The following NLRP14 variants were observed in gnomAD, a reference collection of about 807,000 sequenced individuals.
The protein encoded by NLRP14 is NACHT, LRR and PYD domains-containing protein 14.
Under a neutral mutation model 94.7 loss-of-function variants are expected in NLRP14, and 105 were observed. That is an observed-to-expected ratio of 1.11 (90% CI 0.95 to 1.30). The LOEUF (loss-of-function observed/expected upper bound fraction) is 1.30, where lower values mean the gene tolerates loss of function less well. Ranked by LOEUF, NLRP14 falls within the 50% of genes most tolerant of loss-of-function variation. The probability of loss-of-function intolerance (pLI) is 0.00; values close to 1 mark genes in which losing one functional copy is unlikely to be tolerated. For synonymous variants in NLRP14, 508 were observed against 459.9 expected (o/e 1.10, Z -1.34); for missense variants, 1,362 against 1,254.1 (o/e 1.09, Z -1.30).
chr11:7,060,428 T>A (rs1852599120), intron 9 of NLRP14, among the ~76,000 whole-genome samples: 3 of 151,816 alleles, frequency 2.0e-5, no homozygotes. Flanking sequence ...TAAACTCAGG[T>A]TTATAATTAG....
intron 1 of NLRP14, among the ~76,000 whole-genome samples, chr11:7,022,817 G>C (rs1851965352): frequency 6.6e-6 from 1 of 152,148 alleles, no homozygotes; most frequent in Non-Finnish European, 1.5e-5. Context: ...TCAACTTTGA[G>C]TCAGCTCCAT....
the NLRP14 span, chr11:7,089,092 G>T: frequency 6.2e-7 from 1 of 1,604,822 alleles, no homozygotes; most frequent in Non-Finnish European, 8.5e-7. Flanking sequence ...GCCTCCCACC[G>T]CCACTGACCG....
At chr11:7,049,627 G>T in intron 5 of NLRP14, 44 bp from the exon 6 acceptor site, 1 of 1,359,090 alleles carries the variant, frequency 7.4e-7, no homozygotes, top group South Asian at 1.2e-5. Flanking sequence ...TAACCAAGGA[G>T]AGAAATGGTT....
At chr11:7,081,003 A>G in the NLRP14 span, among the ~76,000 whole-genome samples, 1 of 151,684 alleles carries the variant, frequency 6.6e-6, no homozygotes, top group Non-Finnish European at 1.5e-5. Flanking sequence ...TTGTCTTGGG[A>G]CAGAAATCTT....
At chr11:7,057,370 T>C (rs1852530625) in intron 6 of NLRP14, among the ~76,000 whole-genome samples, 1 of 152,002 alleles carries the variant, frequency 6.6e-6, no homozygotes, top group African/African-American at 2.4e-5. Context: ...TTCCAAGTTG[T>C]AGTTAGCGGA....
chr11:7,042,874 A>T lies in NLRP14; in HGVS notation c.848A>T (p.His283Leu). 6.2e-7 allele frequency: 1 copy of T among 1,614,120 alleles called. No homozygotes were observed. The highest frequency in any genetic ancestry group is 8.5e-7 in the Non-Finnish European group (1 of 1,180,022). The change falls in exon 4 of 12, where the codon CAC becomes CTC. Residue 283 changes from histidine (H) to leucine (L), a missense_variant. Transcript: ENST00000299481. ...CTGTGCGAAGACTGGACCCAAGAAC[A>T]CCCAGTGTCCTTCCTCATGAGTAGT... is the stretch of plus-strand genomic sequence containing the variant. ...FALCEDWTQE[H>L]PVSFLMSSLL...
chr11:7,079,222 C>CT, the NLRP14 span, among the ~76,000 whole-genome samples: 1 of 152,166 alleles, frequency 6.6e-6, no homozygotes, highest in African/African-American at 2.4e-5. Flanking sequence ...TCTCCGCCCC[C>CT]TAAATTCCCA....
At chr11:7,090,245 C>CGGAGGCCGTCTA in the NLRP14 span, 4 of 1,609,744 alleles carry the variant, frequency 2.5e-6, no homozygotes, top group East Asian at 8.9e-5. Flanking sequence ...TGCCCAGGGG[C>CGGAGGCCGTCTA]GGAGGCCGTC....
chr11:7,059,823 C>A, intron 8 of NLRP14, 71 bp from the exon 9 acceptor site: 1 of 1,316,304 alleles, frequency 7.6e-7, no homozygotes, highest in Non-Finnish European at 1.1e-6. Context: ...ATCATGAAAT[C>A]TCTTCAGAGA....
Position 7,071,413 on chromosome 11 carries a change from A to G in NLRP14, c.*105A>G. ...AGCTTCAGATACTCTATGCCCAGAG[A>G]TAGTGCACTTGGCAGCTGTCAGATA... On this transcript the variant is annotated 3_prime_UTR_variant, in exon 12 of 12. Coordinates refer to ENST00000299481, the MANE Select transcript of NLRP14 (RefSeq NM_176822.4). 3 of 883,808 alleles carry G rather than the reference A, an allele frequency of 3.4e-6. No homozygotes were observed. Among genetic ancestry groups the G allele is most frequent in the Non-Finnish European group, 5.4e-6 (3 of 553,588 alleles). 54.7% of individuals were successfully genotyped at this position (883,808 alleles called of 1,614,324 possible).
chr11:7,085,566 TA>T, the NLRP14 span, among the ~76,000 whole-genome samples: 1 of 152,198 alleles, frequency 6.6e-6, no homozygotes, highest in Non-Finnish European at 1.5e-5. Flanking sequence ...TTTCCTTCCC[TA>T]AGGCTAAATA....
chr11:7,053,048 G>C (rs991365432), intron 6 of NLRP14, among the ~76,000 whole-genome samples: 2 of 152,048 alleles, frequency 1.3e-5, no homozygotes. Context: ...TCCTTTAAAG[G>C]CTGAGACCAT....
In NLRP14 at chr11:7,046,698, A is replaced by C; in HGVS notation, c.1989A>C (p.Gln663His). ...GTGATCGCATTACTCACTGTTGGCA[A>C]GATCTCTGTTCTGTGCTTCATACAA... ...WDGDRITHCW[Q>H]DLCSVLHTNE... Residue 663 changes from glutamine to histidine, a missense_variant, in exon 5 of 12, where the codon CAA becomes CAC. Coordinates refer to ENST00000299481, the MANE Select transcript of NLRP14 (RefSeq NM_176822.4). 1 of 1,613,924 alleles carries C rather than the reference A, an allele frequency of 6.2e-7. No homozygotes were observed. Among genetic ancestry groups the C allele is most frequent in the Non-Finnish European group, 8.5e-7 (1 of 1,179,774 alleles).
chr11:7,036,642 A>C (rs959061492), intron 1 of NLRP14, among the ~76,000 whole-genome samples: 1 of 152,140 alleles, frequency 6.6e-6, no homozygotes, highest in Non-Finnish European at 1.5e-5. Flanking sequence ...AGATGGGAAA[A>C]TTGAATCCCA....
chr11:7,054,716 T>C (rs769109682), intron 6 of NLRP14, among the ~76,000 whole-genome samples: 4 of 152,130 alleles, frequency 2.6e-5, no homozygotes, highest in Non-Finnish European at 5.9e-5. Context: ...CCTTGTCAAA[T>C]GGGTAGTTAG....
Position 7,038,836 on chromosome 11 carries a change from C to T in NLRP14, c.250C>T (p.Leu84=), listed in dbSNP as rs767055770. Residue 84 remains leucine, a synonymous_variant, in exon 2 of 12, where the codon CTG becomes TTG. Coordinates refer to ENST00000299481, the MANE Select transcript of NLRP14 (RefSeq NM_176822.4). The stretch of plus-strand genomic sequence containing the variant: ...TCTCAAAATCTTTGGCAAGATGAAC[C>T]TGAAGGATCTGTGTGAGAGAGCGAA... ...VSLKIFGKMN[L]KDLCERAKEE... is the part of the protein sequence containing the mutation. The T allele has an allele frequency of 1.9e-6, 3 of 1,613,226 alleles. No homozygotes were observed. Among genetic ancestry groups the T allele is most frequent in the South Asian group, 1.1e-5 (1 of 90,814 alleles).
At chr11:7,077,938 G>A in the NLRP14 span, among the ~76,000 whole-genome samples, 1 of 152,114 alleles carries the variant, frequency 6.6e-6, no homozygotes, top group African/African-American at 2.4e-5. Flanking sequence ...TAGTTGCCAG[G>A]GTCTGGAGGT....
intron 1 of NLRP14, among the ~76,000 whole-genome samples, chr11:7,027,119 C>A (rs1321215553): frequency 6.6e-6 from 1 of 151,838 alleles, no homozygotes; most frequent in African/African-American, 2.4e-5. Context: ...ATGCCACATG[C>A]ACCTAACTCC....
At chr11:7,048,263 A>C (rs965351948) in intron 5 of NLRP14, among the ~76,000 whole-genome samples, 1 of 152,178 alleles carries the variant, frequency 6.6e-6, no homozygotes, top group Non-Finnish European at 1.5e-5. Flanking sequence ...TGCCAACATT[A>C]GATGCTGTCA....
Sources: gnomAD v4.1 joint callset for allele counts (sites outside exome capture counted in the v4.1 genomes callset) on GRCh38, gnomAD v4.1.1 for gene constraint, MANE v1.5 for transcripts, NCBI Gene and HGNC (gene_info 2026-07-23, HGNC 2026-07-21) for gene names.